SERINC3: variants seen among roughly 807,000 people sequenced by gnomAD.
SERINC3 encodes tumor differentially expressed protein 1.
Under a neutral mutation model 52.1 loss-of-function variants are expected in SERINC3, and 22 were observed. The observed-to-expected ratio is 0.42, with a 90% confidence interval of 0.30 to 0.60. The LOEUF (loss-of-function observed/expected upper bound fraction) is 0.60. SERINC3 is among the 20% of genes least tolerant of loss of function. The probability of loss-of-function intolerance (pLI) is 0.16; values close to 1 mark genes in which losing one functional copy is unlikely to be tolerated. For missense variants in SERINC3, 564 were observed against 584.6 expected (o/e 0.96, Z 0.36); for synonymous variants, 226 against 212.7 (o/e 1.06, Z -0.54).
rs184927218 is a variant in SERINC3, at chr20:44,498,174, C to T, written c.*2122G>A. On this transcript the variant is annotated 3_prime_UTR_variant, in exon 10 of 10. Coordinates refer to ENST00000342374, the MANE Select transcript of SERINC3 (RefSeq NM_006811.4). Reference sequence around the variant, plus strand: ...ATTCTTCTTCGAACACATGTTTTTCCTGTTTGCCACCTGAATACGTGGAAC... The same window carrying T: ...ATTCTTCTTCGAACACATGTTTTTCTTGTTTGCCACCTGAATACGTGGAAC... The T allele has an allele frequency of 9.8e-5, 15 of 152,324 alleles. No homozygotes were observed. The East Asian group carries it at 2.9e-3, about 29-fold the overall frequency. 9.4% of individuals were successfully genotyped at this position (152,324 alleles called of 1,614,324 possible).
intron 5 of SERINC3, among the ~76,000 whole-genome samples, chr20:44,509,657 T>C (rs1174648442): frequency 1.3e-5 from 2 of 152,060 alleles, no homozygotes; most frequent in African/African-American, 4.8e-5. Context: ...GCGTGCTGAG[T>C]AGCTAGGACT....
Position 44,511,369 on chromosome 20 carries a change from CTATTAAAATA to C in SERINC3, c.396-11_396-2del, listed in dbSNP as rs1226869552. ...GGCAGCAATTTTGAAGAACCAAAAC[CTATTAAAATA>C]TAAAAATGCATTTATGAAATGCTAA... On this transcript the variant is annotated splice_acceptor_variant and splice_polypyrimidine_tract_variant and intron_variant, in intron 3 of 9. Transcript: ENST00000342374. LOFTEE classifies it high-confidence loss of function. 6.2e-7 allele frequency: 1 copy of C among 1,601,740 alleles called. No homozygotes were observed. The highest frequency in any genetic ancestry group is 2.2e-5 in the East Asian group (1 of 44,834).
At chr20:44,508,895 T>G (rs1258398147) in intron 5 of SERINC3, among the ~76,000 whole-genome samples, 3 of 152,248 alleles carry the variant, frequency 2.0e-5, no homozygotes, top group Non-Finnish European at 4.4e-5. Flanking sequence ...GTTTTAGTCT[T>G]TATAAAGTTC....
At chr20:44,502,585 CAAAAAAAAAA>C (rs1276917464) in intron 8 of SERINC3, among the ~76,000 whole-genome samples, 1 of 73,630 alleles carries the variant, frequency 1.4e-5, no homozygotes, top group Admixed American at 1.3e-4. Context: ...TTCTTCTCTT[CAAAAAAAAAA>C]AAAAAAAAAC....
At position 44,499,803 on chromosome 20, in the gene SERINC3, C is replaced by A. The variant is rs1178537009; in HGVS notation, c.*493G>T. ...CACATATACGATCCTTCCCCAAGAA[C>A]TTTGATGCTACCCCGCTGAAGAGTT... is the stretch of plus-strand genomic sequence containing the variant. On this transcript the variant is annotated 3_prime_UTR_variant, in exon 10 of 10. Transcript: ENST00000342374. 1 of 152,474 alleles carries A rather than the reference C, an allele frequency of 6.6e-6. No homozygotes were observed. Among genetic ancestry groups the A allele is most frequent in the Non-Finnish European group, 1.5e-5 (1 of 68,062 alleles). The allele number at this position is 152,474 out of a possible 1,614,324, so 9.4% of individuals were successfully genotyped here.
chr20:44,503,647 C>CA (rs1388767299), intron 8 of SERINC3, among the ~76,000 whole-genome samples, 168 bp downstream of exon 8: 1 of 151,880 alleles, frequency 6.6e-6, no homozygotes, highest in African/African-American at 2.4e-5. Flanking sequence ...GACACTGTCT[C>CA]AAAAAAATAT....
chr20:44,509,718 T>C lies in SERINC3; in HGVS notation c.613+173A>G, dbSNP rs1049152522. Among the ~76,000 whole-genome samples, 11 of 152,086 alleles carry C rather than the reference T, an allele frequency of 7.2e-5. No individual in the cohort carries two copies. In the South Asian group the frequency reaches 2.3e-3, roughly 32 times the overall value. ...AAATTTTTTTTTTCTAATGTAAAGA[T>C]GGAGTCTCAATATGCTGCCTAGACT... On this transcript the variant is annotated intron_variant, in intron 5 of 9. Transcript: ENST00000342374.
Position 44,504,064 on chromosome 20 carries a change from T to C in SERINC3, c.875-69A>G, listed in dbSNP as rs1381171337. ...TTGTTCCAAGAAAGAACTTGAGGAG[T>C]TCCCTACATATCATTCAGTCATGAT... On this transcript the variant is annotated intron_variant, in intron 7 of 9. Coordinates refer to ENST00000342374, the MANE Select transcript of SERINC3 (RefSeq NM_006811.4). The C allele has an allele frequency of 4.7e-6, 6 of 1,290,056 alleles. No individual in the cohort carries two copies. In the East Asian group the frequency reaches 1.0e-4, roughly 22 times the overall value. 79.9% of individuals were successfully genotyped at this position (1,290,056 alleles called of 1,614,324 possible). A position where few individuals can be genotyped will look rare whatever the true frequency, so the allele number is the denominator to read the frequency against.
At chr20:44,506,008 G>A (rs1357155882) in intron 6 of SERINC3, among the ~76,000 whole-genome samples, 1 of 152,028 alleles carries the variant, frequency 6.6e-6, no homozygotes, top group Non-Finnish European at 1.5e-5. Flanking sequence ...TGACTCATAA[G>A]AATCATTCCC....
chr20:44,516,653 A>C (rs1192656414), intron 1 of SERINC3, among the ~76,000 whole-genome samples: 1 of 152,056 alleles, frequency 6.6e-6, no homozygotes, highest in Non-Finnish European at 1.5e-5. Flanking sequence ...CCGCCTCCCA[A>C]AGGGCTGGGA....
At chr20:44,496,872 C>A (rs2064252043), downstream of SERINC3, among the ~76,000 whole-genome samples, 1 of 152,192 alleles carries the variant, frequency 6.6e-6, no homozygotes, top group African/African-American at 2.4e-5. Context: ...AGAAAAAGAA[C>A]AAAACCTCTA....
chr20:44,500,449 G>A lies in SERINC3; in HGVS notation c.1284-15C>T, dbSNP rs149541987. 630 of 1,555,202 alleles carry A rather than the reference G, an allele frequency of 4.1e-4. 1 individual carries two copies. In the African/African-American group the frequency reaches 7.5e-3, roughly 18 times the overall value. ...TTGCATCAGGGCTAAGAAAACAAGA[G>A]AGAGTCAGGTAGAAAAGCCTGGTCT... On this transcript the variant is annotated splice_polypyrimidine_tract_variant and intron_variant, in intron 9 of 9. Coordinates refer to ENST00000342374, the MANE Select transcript of SERINC3 (RefSeq NM_006811.4).
At chr20:44,520,788 C>A (rs2064411702) in intron 1 of SERINC3, among the ~76,000 whole-genome samples, 1 of 152,106 alleles carries the variant, frequency 6.6e-6, no homozygotes, top group Non-Finnish European at 1.5e-5. Flanking sequence ...AAATAAAATA[C>A]TTTTATAATA....
chr20:44,514,555 C>T (rs1402997989), intron 1 of SERINC3, among the ~76,000 whole-genome samples: 1 of 151,784 alleles, frequency 6.6e-6, no homozygotes, highest in African/African-American at 2.4e-5. Context: ...GTCAGGAGAT[C>T]GAGACCATCC....
chr20:44,499,525 T>C lies in SERINC3; in HGVS notation c.*771A>G, dbSNP rs980460457. 1 of 152,342 alleles carries C rather than the reference T, an allele frequency of 6.6e-6. No individual in the cohort carries two copies. The highest frequency in any genetic ancestry group is 1.5e-5 in the Non-Finnish European group (1 of 68,040). The allele number at this position is 152,342 out of a possible 1,614,324, so 9.4% of individuals were successfully genotyped here. ...ACCAAATACCTTCATAGTGCAAATATGATAAATTCACATGCATTTTACTTT... is the reference window on the plus strand; with the variant it reads ...ACCAAATACCTTCATAGTGCAAATACGATAAATTCACATGCATTTTACTTT... On this transcript the variant is annotated 3_prime_UTR_variant, in exon 10 of 10. Coordinates refer to ENST00000342374, the MANE Select transcript of SERINC3 (RefSeq NM_006811.4).
At chr20:44,520,024 C>A (rs2123077830) in intron 1 of SERINC3, among the ~76,000 whole-genome samples, 1 of 152,178 alleles carries the variant, frequency 6.6e-6, no homozygotes, top group African/African-American at 2.4e-5. Flanking sequence ...CACCCCTGAC[C>A]CTCCAAGGAG....
At chr20:44,518,318 CAAA>C (rs3091899) in intron 1 of SERINC3, among the ~76,000 whole-genome samples, 10,526 of 87,712 alleles carry the variant, frequency 0.12, 440 homozygotes, top group African/African-American at 0.19. Flanking sequence ...AAATTAGCCT[CAAA>C]AAAAAAAAAA....
intron 4 of SERINC3, 98 bp from the exon 5 acceptor site, chr20:44,510,126 T>C: frequency 8.6e-7 from 1 of 1,161,030 alleles, no homozygotes; most frequent in Middle Eastern, 2.0e-4. Context: ...AAGACAGAGG[T>C]GGTAAAGACA....
intron 8 of SERINC3, among the ~76,000 whole-genome samples, chr20:44,503,005 T>A (rs564598741): frequency 6.6e-6 from 1 of 152,332 alleles, no homozygotes; most frequent in African/African-American, 2.4e-5. Context: ...AGAATTGTAT[T>A]TAGAATAAAA....
Sources: gnomAD v4.1 joint callset for allele counts (sites outside exome capture counted in the v4.1 genomes callset) on GRCh38, gnomAD v4.1.1 for gene constraint, MANE v1.5 for transcripts, NCBI Gene and HGNC (gene_info 2026-07-23, HGNC 2026-07-21) for gene names.